The following SH2D3C variants were observed in gnomAD, a reference collection of about 807,000 sequenced individuals.
SH2D3C encodes the protein SH2 domain-containing protein 3C.
SH2D3C carries 25 observed loss-of-function variants against 75.2 expected under a neutral mutation model. The ratio of observed to expected loss-of-function variants is 0.33; its 90% CI spans 0.24 to 0.46. The LOEUF is 0.46. Ranked by LOEUF, SH2D3C falls within the 20% of genes least tolerant of loss-of-function variation. The pLI is 1.00. For synonymous variants in SH2D3C, 450 were observed against 473.7 expected, an observed-to-expected ratio of 0.95 and a Z score of 0.65; for missense variants, 933 against 1,165.3, an observed-to-expected ratio of 0.80 and a Z score of 2.90.
In SH2D3C at chr9:127,767,118, C is replaced by G; in HGVS notation, c.516-5468G>C. ...GCACATTCTGCTCCCTCTCCACCGT[C>G]TGGAGCCCTCAGTTTTCCTGAGTGG... is the stretch of plus-strand genomic sequence containing the variant. On this transcript the variant is annotated intron_variant, in intron 2 of 11. Coordinates refer to ENST00000314830, the MANE Select transcript of SH2D3C (RefSeq NM_170600.3). 3.3e-6 allele frequency: 5 copies of G among 1,536,012 alleles called. No homozygotes were observed. In the South Asian group the frequency reaches 4.8e-5, roughly 15 times the overall value.
In SH2D3C at chr9:127,756,640, CTTTTT is replaced by C. The variant is rs573247009; in HGVS notation, c.555+4966_555+4970del. On this transcript the variant is annotated intron_variant, in intron 3 of 11. Transcript: ENST00000314830. ...ATGAGTATCTCAAGGTAGGAGGGGG[CTTTTT>C]TTTTTTTTTTTTTTTTTGAGATGGA... 3.3e-3 allele frequency among the ~76,000 whole-genome samples: 311 copies of C among 93,828 alleles called. 6 individuals are homozygous for C. In the East Asian group the frequency reaches 0.067, roughly 20 times the overall value. The allele number at this position is 93,828 out of a possible 152,430, so 61.6% of individuals were successfully genotyped here.
At chr9:127,748,734 G>A (rs1251753787) in intron 5 of SH2D3C, among the ~76,000 whole-genome samples, 1 of 152,196 alleles carries the variant, frequency 6.6e-6, no homozygotes, top group Non-Finnish European at 1.5e-5. Flanking sequence ...AGACAACCAG[G>A]TGTGATTAAA....
chr9:127,758,657 C>T (rs931429075), intron 3 of SH2D3C, among the ~76,000 whole-genome samples: 1 of 152,200 alleles, frequency 6.6e-6, no homozygotes, highest in East Asian at 1.9e-4. Context: ...TGTCCACACT[C>T]CTGCCTCTGC....
At chr9:127,762,479 C>T (rs988022418) in intron 2 of SH2D3C, 7 of 492,362 alleles carry the variant, frequency 1.4e-5, no homozygotes, top group African/African-American at 9.9e-5. Context: ...GCCCCCTCCC[C>T]ATCTTCCCCG....
At chr9:127,757,014 C>T (rs755248893) in intron 3 of SH2D3C, among the ~76,000 whole-genome samples, 4 of 151,852 alleles carry the variant, frequency 2.6e-5, no homozygotes, top group African/African-American at 4.8e-5. Context: ...ACTGCAATCT[C>T]GGCCGCCTGG....
intron 1 of SH2D3C, among the ~76,000 whole-genome samples, chr9:127,776,395 T>C (rs73612161): frequency 0.12 from 18,938 of 151,630 alleles, 3,021 homozygotes; most frequent in African/African-American, 0.37. Flanking sequence ...GGGGTTGTTG[T>C]GAGCCTGAGG....
rs1845342598 is a variant in SH2D3C, at chr9:127,755,217, G to T, written c.556-3917C>A. The stretch of plus-strand genomic sequence containing the variant: ...TGGGGGGGCGGTGGCCGGCGGGGCA[G>T]GGGCGCAGGGACCAACCGGCTAGGC... On this transcript the variant is annotated intron_variant, in intron 3 of 11. Transcript: ENST00000314830. 6 of 1,195,880 alleles carry T rather than the reference G, an allele frequency of 5.0e-6. No homozygotes were observed. The East Asian group carries it at 2.1e-4, about 42-fold the overall frequency. 74.1% of individuals were successfully genotyped at this position (1,195,880 alleles called of 1,614,324 possible). A position where few individuals can be genotyped will look rare whatever the true frequency, so the allele number is the denominator to read the frequency against.
At chr9:127,741,482 C>T (rs1225115764) in intron 9 of SH2D3C, among the ~76,000 whole-genome samples, 1 of 152,188 alleles carries the variant, frequency 6.6e-6, no homozygotes, top group African/African-American at 2.4e-5. Flanking sequence ...CGTGATCCGC[C>T]CGCCTCAGCC....
In SH2D3C at chr9:127,749,661, G is replaced by A; in HGVS notation, c.689C>T (p.Ser230Leu). 8 of 1,542,798 alleles carry A rather than the reference G, an allele frequency of 5.2e-6. No individual in the cohort carries two copies. Among genetic ancestry groups the A allele is most frequent in the Non-Finnish European group, 7.0e-6 (8 of 1,147,616 alleles). The change falls in exon 5 of 12, where the codon TCG becomes TTG. Residue 230 changes from serine (S) to leucine (L), a missense_variant. Ser to Leu is a moderately radical substitution (Grantham distance 145, BLOSUM62 -2). Coordinates refer to ENST00000314830, the MANE Select transcript of SH2D3C (RefSeq NM_170600.3). This position sits in a 1 kb window ranked among gnomAD's most constrained non-coding sequence, Gnocchi z 5.9. ...WYHGRIPREVSETLVQRNGDF... is the reference protein window; with the variant it reads ...WYHGRIPREVLETLVQRNGDF... ...GCCGTTGCGTTGTACCAAGGTCTCC[G>A]AGACCTGCAGAAGGCATGGTTAGGC...
intron 3 of SH2D3C, among the ~76,000 whole-genome samples, chr9:127,757,645 G>GATTATTATTATTATTATT (rs71380087): frequency 3.3e-5 from 4 of 121,512 alleles, no homozygotes; most frequent in African/African-American, 6.3e-5. Flanking sequence ...TGATGATGAT[G>GATTATTATTATTATTATT]ATTATTATTA....
chr9:127,765,054 A>G (rs1387142086), intron 2 of SH2D3C, among the ~76,000 whole-genome samples: 4 of 151,594 alleles, frequency 2.6e-5, no homozygotes, highest in Non-Finnish European at 4.4e-5. Context: ...TCTGTCATCT[A>G]GGCTGGGATG....
At chr9:127,743,229 G>A (rs1481894866) in intron 7 of SH2D3C, among the ~76,000 whole-genome samples, 2 of 152,230 alleles carry the variant, frequency 1.3e-5, no homozygotes, top group South Asian at 4.1e-4. Context: ...TCGGCCGGGC[G>A]GGGTGGCTCA....
intron 2 of SH2D3C, among the ~76,000 whole-genome samples, chr9:127,772,371 G>A (rs1218855754): frequency 2.0e-5 from 3 of 151,198 alleles, no homozygotes; most frequent in East Asian, 1.9e-4. Flanking sequence ...AGCCTCCTCA[G>A]TAGCTGGGAT....
chr9:127,748,773 C>G (rs1285705436), intron 5 of SH2D3C, among the ~76,000 whole-genome samples: 1 of 152,202 alleles, frequency 6.6e-6, no homozygotes, highest in Non-Finnish European at 1.5e-5. Context: ...ATTCCCTGTG[C>G]AGTGATTTGC....
In SH2D3C at chr9:127,747,265, C is replaced by G; in HGVS notation, c.1146G>C (p.Ser382=). Residue 382 remains serine (S), a synonymous_variant, in exon 6 of 12, where the codon TCG becomes TCC. Coordinates refer to ENST00000314830, the MANE Select transcript of SH2D3C (RefSeq NM_170600.3). ...GGATGGAGTCCCGAGGGCGGGGCAGCGACGTACTGTGGAGCAGACACCATC... is the reference window on the plus strand; with the variant it reads ...GGATGGAGTCCCGAGGGCGGGGCAGGGACGTACTGTGGAGCAGACACCATC... The part of the protein sequence containing the change: ...TRSDGCPTST[S]LPRPRDSIRS... The G allele has an allele frequency of 6.2e-7, 1 of 1,612,324 alleles. No homozygotes were observed. Among genetic ancestry groups the G allele is most frequent in the Non-Finnish European group, 8.5e-7 (1 of 1,179,820 alleles).
At chr9:127,745,213 G>A (rs1161660158) in intron 6 of SH2D3C, 114 bp from the exon 7 acceptor site, 1 of 835,458 alleles carries the variant, frequency 1.2e-6, no homozygotes, top group Non-Finnish European at 1.7e-6. Flanking sequence ...GTACAGAGGT[G>A]ATGTCCCCAC....
chr9:127,757,852 G>A (rs1258627826), intron 3 of SH2D3C, among the ~76,000 whole-genome samples: 1 of 151,766 alleles, frequency 6.6e-6, no homozygotes, highest in African/African-American at 2.4e-5. Flanking sequence ...GTAGAGATGG[G>A]GTTTCTCCAT....
intron 2 of SH2D3C, among the ~76,000 whole-genome samples, chr9:127,763,607 AG>A (rs1041317055): frequency 4.6e-4 from 70 of 152,330 alleles, no homozygotes; most frequent in African/African-American, 1.7e-3. Flanking sequence ...TAATTTTGTT[AG>A]GCTGGGTCCA....
chr9:127,741,845 C>T lies in SH2D3C; in HGVS notation c.2031G>A (p.Gly677=). 6.2e-7 allele frequency: 1 copy of T among 1,613,394 alleles called. No individual in the cohort carries two copies. Among genetic ancestry groups the T allele is most frequent in the Non-Finnish European group, 8.5e-7 (1 of 1,180,026 alleles). ...CGAAGCTGAACATGTTGCCCATAGT[C>T]CCCCGCAGCTCGGCCGCCAGCTGAA... ...KTIQLAAELR[G]TMGNMFSFAA... Residue 677 remains glycine, a synonymous_variant, in exon 9 of 12, where the codon GGG becomes GGA. Coordinates refer to ENST00000314830, the MANE Select transcript of SH2D3C (RefSeq NM_170600.3).
Sources: gnomAD v4.1 joint callset for allele counts (sites outside exome capture counted in the v4.1 genomes callset) on GRCh38, gnomAD v4.1.1 for gene constraint, Gnocchi (gnomAD v3.1) non-coding constraint, MANE v1.5 for transcripts, NCBI Gene and HGNC (gene_info 2026-07-23, HGNC 2026-07-21) for gene names.